Variants in BCOR observed in about 807,000 individuals in gnomAD.
The protein encoded by BCOR is BCL-6 corepressor.
BCOR carries 10 observed loss-of-function variants against 86.7 expected under a neutral mutation model. The ratio of observed to expected loss-of-function variants is 0.12; its 90% CI spans 0.07 to 0.20. The LOEUF (loss-of-function observed/expected upper bound fraction) is 0.20. BCOR is among the 10% of genes least tolerant of loss of function. The pLI is 1.00. For synonymous variants in BCOR, 611 were observed against 609.0 expected (o/e 1.00, Z -0.05); for missense variants, 1,259 against 1,452.1 (o/e 0.87, Z 2.16).
upstream of BCOR, among the ~76,000 whole-genome samples, chrX:40,098,632 G>A (rs1447641700): frequency 8.9e-6 from 1 of 111,944 alleles, no homozygotes; most frequent in Non-Finnish European, 1.9e-5. Context: ...CTTGCCACCA[G>A]CGCTGCGCTC....
chrX:40,125,029 G>A (rs950552186), intron 1 of BCOR, among the ~76,000 whole-genome samples: 2 of 108,353 alleles, frequency 1.8e-5, no homozygotes, highest in Non-Finnish European at 3.8e-5. Flanking sequence ...TGGCGTCGGG[G>A]GGGCGGGTTG....
chrX:40,135,393 C>T (rs781427828), intron 1 of BCOR, among the ~76,000 whole-genome samples: 5 of 101,896 alleles, frequency 4.9e-5, no homozygotes, highest in African/African-American at 1.8e-4. Flanking sequence ...TCCTTCTTTT[C>T]TTTTTTTTTT....
In BCOR at chrX:40,064,643, C is replaced by T. The variant is rs146320362; in HGVS notation, c.3239-44G>A. 3.6e-4 allele frequency: 436 copies of T among 1,201,503 alleles called. 1 individual carries two copies. The East Asian group carries it at 0.011, about 31-fold the overall frequency. On this transcript the variant is annotated intron_variant, in intron 6 of 14. Coordinates refer to ENST00000378444, the MANE Select transcript of BCOR (RefSeq NM_001123385.2). ...GAGGGCATTAATGAAGCCCGAAGGTCGCCATGAGAAGGCAGGATCTGGGGA... is the reference window on the plus strand; with the variant it reads ...GAGGGCATTAATGAAGCCCGAAGGTTGCCATGAGAAGGCAGGATCTGGGGA...
At chrX:40,114,022 T>A (rs1293698892) in intron 1 of BCOR, among the ~76,000 whole-genome samples, 1 of 111,569 alleles carries the variant, frequency 9.0e-6, no homozygotes, top group African/African-American at 3.3e-5. Context: ...TTTCACCATG[T>A]TGGCCAGGCT....
In BCOR at chrX:40,055,482, A is replaced by G; in HGVS notation, c.4627T>C (p.Leu1543=). The G allele has an allele frequency of 8.3e-7, 1 of 1,211,758 alleles. No individual in the cohort carries two copies. Among genetic ancestry groups the G allele is most frequent in the Non-Finnish European group, 1.1e-6 (1 of 895,466 alleles). The change falls in exon 12 of 15, where the codon TTG becomes CTG. Residue 1543 remains leucine, a synonymous_variant. Transcript: ENST00000378444. ...GAGAGAAGTAGTCGGACAATTTCCA[A>G]GTGATCGTTCTCAACAGCATCGTGC... ...PLHDAVENDH[L]EIVRLLLSYG... is the part of the protein sequence containing the mutation.
At chrX:40,115,503 C>T (rs914939045) in intron 1 of BCOR, among the ~76,000 whole-genome samples, 1 of 108,062 alleles carries the variant, frequency 9.3e-6, no homozygotes, top group Non-Finnish European at 1.9e-5. Flanking sequence ...GGCCTGGGCT[C>T]GGTGGCTCAC....
rs374206405 is a variant in BCOR, at chrX:40,057,172, A to G, written c.4578T>C (p.Ser1526=). 1.7e-6 allele frequency: 2 copies of G among 1,211,672 alleles called. No individual in the cohort carries two copies. Among genetic ancestry groups the G allele is most frequent in the East Asian group, 3.0e-5 (1 of 33,854 alleles). ...TCACTGACCTGGTTCCATCCTGGGC[A>G]CTACAGTTGACATCAGCGCCATATT... ...LLEYGADVNC[S]AQDGTRPLHD... The change falls in exon 11 of 15, where the codon AGT becomes AGC. Residue 1526 remains serine (S), a synonymous_variant. Coordinates refer to ENST00000378444, the MANE Select transcript of BCOR (RefSeq NM_001123385.2).
intron 1 of BCOR, among the ~76,000 whole-genome samples, chrX:40,110,621 A>C: frequency 1.1e-5 from 1 of 92,005 alleles, no homozygotes; most frequent in Admixed American, 1.3e-4. Flanking sequence ...CCTCTAAGAC[A>C]ATCAACCATT....
intron 1 of BCOR, among the ~76,000 whole-genome samples, chrX:40,143,102 A>G (rs1937958140): frequency 8.9e-6 from 1 of 112,118 alleles, no homozygotes; most frequent in Non-Finnish European, 1.9e-5. Context: ...TGATCGCCTT[A>G]GGCGCCAAGT....
In BCOR at chrX:40,073,956, T is replaced by C; in HGVS notation, c.1390A>G (p.Thr464Ala). The C allele has an allele frequency of 8.2e-7, 1 of 1,212,252 alleles. No homozygotes were observed. The highest frequency in any genetic ancestry group is 3.0e-5 in the East Asian group (1 of 33,860). The change falls in exon 4 of 15, where the codon ACG becomes GCG. Residue 464 changes from threonine to alanine, a missense_variant. By Grantham distance (58) the Thr-to-Ala change is moderately conservative. Around this residue, in one of 7 missense-constraint regions of BCOR, gnomAD observed 534 missense variants for 594.8 expected, o/e 0.90. Transcript: ENST00000378444. ...CCAGCCCTGCTGTGAACCAGGACCGTGGGAGCCATCTTTTTCATGTGGTCA... is the reference window on the plus strand; with the variant it reads ...CCAGCCCTGCTGTGAACCAGGACCGCGGGAGCCATCTTTTTCATGTGGTCA... ...KADHMKKMAP[T>A]VLVHSRAGSG...
At chrX:40,139,472 T>TA (rs1207007396) in intron 1 of BCOR, among the ~76,000 whole-genome samples, 2 of 10,081 alleles carry the variant, frequency 2.0e-4, no homozygotes, top group Non-Finnish European at 1.3e-4. Flanking sequence ...TATATATATA[T>TA]ATATATATAT....
intron 1 of BCOR, among the ~76,000 whole-genome samples, chrX:40,154,758 AG>A (rs1391014391): frequency 8.9e-6 from 1 of 112,010 alleles, no homozygotes; most frequent in Non-Finnish European, 1.9e-5. Context: ...AGAAGAGCCA[AG>A]GGTCCGGATC....
At chrX:40,153,422 G>C (rs1054099843) in intron 1 of BCOR, among the ~76,000 whole-genome samples, 34 of 112,031 alleles carry the variant, frequency 3.0e-4, no homozygotes, top group African/African-American at 1.0e-3. Context: ...CGAGAGTGCC[G>C]GGTCAGTGAT....
intron 8 of BCOR, among the ~76,000 whole-genome samples, 154 bp from the exon 9 acceptor site, chrX:40,063,225 T>C (rs1935000254): frequency 8.9e-6 from 1 of 112,747 alleles, no homozygotes; most frequent in East Asian, 2.8e-4. Context: ...AATTATGTTT[T>C]CAAAGCATTA....
At chrX:40,075,318 C>CGGGGGGGGGG in intron 3 of BCOR, 138 bp from the exon 4 acceptor site, 1 of 91,285 alleles carries the variant, frequency 1.1e-5, no homozygotes, top group Non-Finnish European at 2.0e-5. Flanking sequence ...TCCGGCGGGG[C>CGGGGGGGGGG]GGGGGTGGGG....
At chrX:40,123,220 C>T (rs545584439) in intron 1 of BCOR, among the ~76,000 whole-genome samples, 1 of 111,330 alleles carries the variant, frequency 9.0e-6, no homozygotes, top group South Asian at 3.8e-4. Flanking sequence ...ATACCATATT[C>T]GGCTTGCCAT....
At chrX:40,069,412 G>A (rs995013884) in intron 6 of BCOR, among the ~76,000 whole-genome samples, 3 of 112,065 alleles carry the variant, frequency 2.7e-5, no homozygotes, top group East Asian at 2.8e-4. Flanking sequence ...GGAAAGGGAG[G>A]CCTTTCTACA....
chrX:40,099,285 C>T (rs1937025793), upstream of BCOR, among the ~76,000 whole-genome samples: 1 of 112,154 alleles, frequency 8.9e-6, no homozygotes, highest in African/African-American at 3.2e-5. Context: ...GAGCGCAAAG[C>T]CTCAAGGGCG....
chrX:40,100,048 C>A (rs1484606819), upstream of BCOR, among the ~76,000 whole-genome samples: 2 of 112,315 alleles, frequency 1.8e-5, no homozygotes, highest in African/African-American at 3.2e-5. Flanking sequence ...GACTATTATG[C>A]TGTAAAACTA....
Sources: allele counts gnomAD v4.1 joint callset (sites outside exome capture counted in the v4.1 genomes callset), GRCh38; gene constraint gnomAD v4.1.1; regional missense constraint gnomAD v4.1.1; transcripts MANE v1.5; gene names NCBI Gene and HGNC (gene_info 2026-07-23, HGNC 2026-07-21).